Variants in PDE9A observed in about 807,000 individuals in gnomAD.
The protein encoded by PDE9A is high affinity cGMP-specific 3',5'-cyclic phosphodiesterase 9A.
Under a neutral mutation model 87.4 loss-of-function variants are expected in PDE9A, and 60 were observed. The ratio of observed to expected loss-of-function variants is 0.69; its 90% CI spans 0.56 to 0.85. The LOEUF (loss-of-function observed/expected upper bound fraction) is 0.85. Among genes scored for constraint, PDE9A ranks in the 40% least tolerant of loss-of-function variants. The probability of loss-of-function intolerance (pLI) is 0.00; values close to 1 mark genes in which losing one functional copy is unlikely to be tolerated. For missense variants in PDE9A, 665 were observed against 779.0 expected, an observed-to-expected ratio of 0.85 and a Z score of 1.74; for synonymous variants, 272 against 279.4, an observed-to-expected ratio of 0.97 and a Z score of 0.27.
intron 1 of PDE9A, among the ~76,000 whole-genome samples, chr21:42,679,915 CTCTT>C (rs1179985330): frequency 6.6e-6 from 1 of 152,206 alleles, no homozygotes; most frequent in African/African-American, 2.4e-5. Flanking sequence ...AAGAAACAGA[CTCTT>C]TCTCAAGCCA....
chr21:42,720,986 C>T (rs1390570684), intron 4 of PDE9A, among the ~76,000 whole-genome samples: 4 of 151,530 alleles, frequency 2.6e-5, no homozygotes, highest in Non-Finnish European at 2.9e-5. Flanking sequence ...GCCTGGGTAA[C>T]AAGAGCGAAA....
intron 4 of PDE9A, among the ~76,000 whole-genome samples, chr21:42,726,624 A>ATATATATATATATATTTTTTT: frequency 5.1e-5 from 1 of 19,768 alleles, no homozygotes; most frequent in African/African-American, 3.4e-4. Flanking sequence ...ATATATATAT[A>ATATATATATATATATTTTTTT]TTTTTTTTTT....
At position 42,759,201 on chromosome 21, in the gene PDE9A, G is replaced by A; in HGVS notation, c.897+116G>A. 1 of 706,416 alleles carries A rather than the reference G, an allele frequency of 1.4e-6. No individual in the cohort carries two copies. The highest frequency in any genetic ancestry group is 2.5e-6 in the Non-Finnish European group (1 of 395,824). The allele number at this position is 706,416 out of a possible 1,614,324, so 43.8% of individuals were successfully genotyped here. A position where few individuals can be genotyped will look rare whatever the true frequency, so the allele number is the denominator to read the frequency against. ...CCGGATGGCACTGCGCTCCCTGTGA[G>A]CAGAGGTGACATTTCCCCGGGAGTT... On this transcript the variant is annotated intron_variant, in intron 11 of 19. Transcript: ENST00000291539. This position sits in a 1 kb window ranked among gnomAD's most constrained non-coding sequence, Gnocchi z 7.2.
intron 4 of PDE9A, among the ~76,000 whole-genome samples, chr21:42,726,624 A>ATATATATATTTTTTTTTTTT: frequency 1.0e-4 from 2 of 19,780 alleles, no homozygotes; most frequent in Non-Finnish European, 7.5e-5. Context: ...ATATATATAT[A>ATATATATATTTTTTTTTTTT]TTTTTTTTTT....
chr21:42,714,616 T>A (rs562961376), intron 4 of PDE9A, among the ~76,000 whole-genome samples: 1 of 149,190 alleles, frequency 6.7e-6, no homozygotes, highest in African/African-American at 2.5e-5. Context: ...TACCAGTCTT[T>A]GTTGATATGG....
At chr21:42,709,210 C>A (rs1024641424) in intron 4 of PDE9A, among the ~76,000 whole-genome samples, 6 of 152,076 alleles carry the variant, frequency 3.9e-5, no homozygotes, top group Non-Finnish European at 8.8e-5. Flanking sequence ...GAACAGAAAA[C>A]CAAACACCAC....
chr21:42,765,678 G>A, intron 15 of PDE9A, 184 bp downstream of exon 15: 1 of 607,508 alleles, frequency 1.6e-6, no homozygotes, highest in South Asian at 1.9e-5. Flanking sequence ...CCTCCCTCCT[G>A]ATGGGTCCTC....
chr21:42,665,156 T>G (rs2057880031), intron 1 of PDE9A, among the ~76,000 whole-genome samples: 1 of 152,140 alleles, frequency 6.6e-6, no homozygotes, highest in Non-Finnish European at 1.5e-5. Context: ...GAGTGATGCA[T>G]GTACAAGCCA....
intron 16 of PDE9A, chr21:42,768,700 A>G (rs2056628199): frequency 1.0e-6 from 1 of 985,326 alleles, no homozygotes; most frequent in African/African-American, 1.7e-5. Flanking sequence ...CCAGCTGAAA[A>G]CAACCACCAA....
At chr21:42,688,247 A>G (rs950452190) in intron 3 of PDE9A, among the ~76,000 whole-genome samples, 7 of 152,142 alleles carry the variant, frequency 4.6e-5, no homozygotes, top group Non-Finnish European at 1.0e-4. Context: ...GAGGCATTGT[A>G]CAGAGGGGAA....
intron 19 of PDE9A, 112 bp downstream of exon 19, chr21:42,772,632 T>C: frequency 1.3e-6 from 1 of 758,082 alleles, no homozygotes; most frequent in Non-Finnish European, 2.2e-6. Flanking sequence ...TTTAAATGAA[T>C]GGAACTTTTT....
intron 4 of PDE9A, among the ~76,000 whole-genome samples, chr21:42,706,504 G>T (rs1331766566): frequency 1.3e-5 from 2 of 152,058 alleles, no homozygotes; most frequent in African/African-American, 4.8e-5. Context: ...AATTAGCCGG[G>T]TGTGGTGGTG....
chr21:42,655,917 G>A (rs149026705), intron 1 of PDE9A, among the ~76,000 whole-genome samples: 119 of 151,834 alleles, frequency 7.8e-4, no homozygotes, highest in African/African-American at 2.6e-3. Flanking sequence ...GCTGGACTGT[G>A]AGTCCTGGTT....
intron 4 of PDE9A, among the ~76,000 whole-genome samples, chr21:42,701,700 C>T (rs1034094644): frequency 6.6e-6 from 1 of 152,146 alleles, no homozygotes; most frequent in Admixed American, 6.6e-5. Flanking sequence ...AGATTACAGA[C>T]GTGAGCCACC....
chr21:42,710,460 A>G (rs997893159), intron 4 of PDE9A, among the ~76,000 whole-genome samples: 3 of 151,908 alleles, frequency 2.0e-5, no homozygotes, highest in Non-Finnish European at 4.4e-5. Flanking sequence ...TGTTCTACCA[A>G]GAGGTTGTAC....
At chr21:42,666,053 G>A (rs1346063512) in intron 1 of PDE9A, among the ~76,000 whole-genome samples, 1 of 152,220 alleles carries the variant, frequency 6.6e-6, no homozygotes, top group Non-Finnish European at 1.5e-5. Context: ...GGGCCTTCAG[G>A]CCCTGACATC....
chr21:42,735,654 A>G (rs2052321604), intron 7 of PDE9A, among the ~76,000 whole-genome samples: 1 of 152,174 alleles, frequency 6.6e-6, no homozygotes, highest in East Asian at 1.9e-4. Context: ...GGATGTCTCC[A>G]TGTCAACAGT....
intron 8 of PDE9A, among the ~76,000 whole-genome samples, chr21:42,744,404 CAGA>C (rs1236329566): frequency 5.9e-5 from 9 of 152,228 alleles, no homozygotes; most frequent in South Asian, 2.1e-4. Flanking sequence ...GACGATTTCA[CAGA>C]AGAAGAGTCC....
intron 1 of PDE9A, among the ~76,000 whole-genome samples, chr21:42,683,980 GC>G (rs1200846100): frequency 6.6e-6 from 1 of 152,154 alleles, no homozygotes; most frequent in African/African-American, 2.4e-5. Context: ...GGACCACAGG[GC>G]CCCCCGCCTT....
Sources: gnomAD v4.1 joint callset for allele counts (sites outside exome capture counted in the v4.1 genomes callset) on GRCh38, gnomAD v4.1.1 for gene constraint, Gnocchi (gnomAD v3.1) non-coding constraint, MANE v1.5 for transcripts, NCBI Gene and HGNC (gene_info 2026-07-23, HGNC 2026-07-21) for gene names.